The following GPHN variants were observed in gnomAD, a reference collection of about 807,000 sequenced individuals.
The protein encoded by GPHN is gephyrin.
In GPHN, 17 loss-of-function variants were observed where a neutral mutation model predicts 95.5. The observed-to-expected ratio is 0.18, with a 90% CI of 0.12 to 0.27. The LOEUF (loss-of-function observed/expected upper bound fraction) is 0.27, where lower values mean the gene tolerates loss of function less well. Among genes scored for constraint, GPHN ranks in the 10% least tolerant of loss-of-function variants. The pLI, the probability that GPHN is intolerant of heterozygous loss-of-function variation, is 1.00. For synonymous variants in GPHN, 320 were observed against 322.5 expected (o/e 0.99, Z 0.08); for missense variants, 660 against 978.1 (o/e 0.67, Z 4.34).
chr14:67,499,384 A>G, the GPHN span, among the ~76,000 whole-genome samples: 9 of 152,136 alleles, frequency 5.9e-5, no homozygotes, highest in African/African-American at 2.2e-4. Context: ...TCAGTTTGGC[A>G]CCTTTGGGAA....
the GPHN span, among the ~76,000 whole-genome samples, chr14:67,538,113 A>C: frequency 1.3e-5 from 2 of 152,208 alleles, no homozygotes; most frequent in Non-Finnish European, 2.9e-5. Flanking sequence ...CCAGAATAAA[A>C]ATAGAAAAAA....
intron 1 of GPHN, among the ~76,000 whole-genome samples, chr14:66,634,446 G>C (rs574512797): frequency 1.1e-4 from 16 of 152,252 alleles, no homozygotes; most frequent in African/African-American, 3.6e-4. Flanking sequence ...TGAGACTTTG[G>C]TGGGGAAGGG....
chr14:67,733,427 T>C, the GPHN span, among the ~76,000 whole-genome samples: 3 of 152,234 alleles, frequency 2.0e-5, no homozygotes, highest in African/African-American at 7.2e-5. Flanking sequence ...AATAGAATTA[T>C]AAATATTTTT....
At chr14:66,873,706 T>C (rs2063537276) in intron 4 of GPHN, among the ~76,000 whole-genome samples, 2 of 152,138 alleles carry the variant, frequency 1.3e-5, no homozygotes, top group Non-Finnish European at 2.9e-5. Flanking sequence ...CCAGACTGCC[T>C]CTCTAGATTC....
the GPHN span, among the ~76,000 whole-genome samples, chr14:67,548,060 A>G: frequency 1.3e-5 from 2 of 152,072 alleles, no homozygotes; most frequent in Non-Finnish European, 2.9e-5. Context: ...ATGACTTGAG[A>G]TTCACATCTC....
At chr14:67,418,191 T>C in the GPHN span, among the ~76,000 whole-genome samples, 1 of 152,252 alleles carries the variant, frequency 6.6e-6, no homozygotes, top group Non-Finnish European at 1.5e-5. Context: ...ATTCTGTAGA[T>C]GTAAATGAAA....
chr14:67,224,424 A>T, the GPHN span, among the ~76,000 whole-genome samples: 3 of 151,670 alleles, frequency 2.0e-5, no homozygotes, highest in South Asian at 6.3e-4. Context: ...ATGCCTAGCT[A>T]ATTGTTTTTG....
intron 18 of GPHN, among the ~76,000 whole-genome samples, chr14:67,154,701 T>C (rs2081484052): frequency 6.6e-6 from 1 of 152,172 alleles, no homozygotes; most frequent in Non-Finnish European, 1.5e-5. Flanking sequence ...TCAAAGCAGT[T>C]GCTCTATAAC....
At chr14:67,193,869 G>C in the GPHN span, among the ~76,000 whole-genome samples, 2 of 147,936 alleles carry the variant, frequency 1.4e-5, no homozygotes, top group African/African-American at 5.0e-5. Context: ...CACTTGGGCT[G>C]GGGAGGTTGA....
chr14:66,807,556 T>G (rs1417608922), intron 3 of GPHN, among the ~76,000 whole-genome samples: 1 of 152,198 alleles, frequency 6.6e-6, no homozygotes, highest in Non-Finnish European at 1.5e-5. Flanking sequence ...TAAGAATCAT[T>G]TACATCAATA....
intron 4 of GPHN, among the ~76,000 whole-genome samples, chr14:66,828,563 C>G (rs2061464373): frequency 6.6e-6 from 1 of 151,930 alleles, no homozygotes; most frequent in African/African-American, 2.4e-5. Context: ...AAACTTCTCC[C>G]TTAAAATCCT....
intron 1 of GPHN, among the ~76,000 whole-genome samples, chr14:66,599,380 A>T (rs1288491035): frequency 1.3e-3 from 142 of 111,208 alleles, no homozygotes; most frequent in Middle Eastern, 5.0e-3. Flanking sequence ...CTGATTTTAC[A>T]TTTTTTTTTG....
the GPHN span, chr14:67,583,941 T>C: frequency 1.1e-5 from 17 of 1,611,938 alleles, no homozygotes; most frequent in Non-Finnish European, 1.3e-5. Context: ...AGGCCTGGAA[T>C]GAAGACACGT....
chr14:67,446,898 C>T, the GPHN span, among the ~76,000 whole-genome samples: 18 of 151,992 alleles, frequency 1.2e-4, no homozygotes, highest in Non-Finnish European at 1.9e-4. Flanking sequence ...ATCACAGCCA[C>T]GTCCATTTGT....
the GPHN span, chr14:67,648,056 A>C: frequency 3.1e-6 from 5 of 1,611,732 alleles, no homozygotes; most frequent in Non-Finnish European, 3.4e-6. Flanking sequence ...GGAGACAAAG[A>C]CCAATCCATT....
At chr14:67,051,517 C>T (rs2075305425) in intron 10 of GPHN, among the ~76,000 whole-genome samples, 1 of 152,176 alleles carries the variant, frequency 6.6e-6, no homozygotes, top group Middle Eastern at 3.2e-3. Flanking sequence ...GAGAATGGAA[C>T]CAAGTTGGAA....
intron 2 of GPHN, among the ~76,000 whole-genome samples, chr14:66,685,983 G>T (rs1263187492): frequency 7.1e-6 from 1 of 139,972 alleles, no homozygotes; most frequent in African/African-American, 3.1e-5. Flanking sequence ...AGTTTTCCCA[G>T]CACCATTTAT....
At chr14:66,666,103 G>T (rs1445529030) in intron 1 of GPHN, among the ~76,000 whole-genome samples, 1 of 150,126 alleles carries the variant, frequency 6.7e-6, no homozygotes, top group Admixed American at 6.6e-5. Context: ...GCCTGTCGTG[G>T]GGTAGGGGGA....
At chr14:67,655,747 C>A in the GPHN span, among the ~76,000 whole-genome samples, 1 of 152,166 alleles carries the variant, frequency 6.6e-6, no homozygotes, top group African/African-American at 2.4e-5. Flanking sequence ...GCTTTGAATC[C>A]TTAAGTGCCT....
Sources: allele counts gnomAD v4.1 joint callset (sites outside exome capture counted in the v4.1 genomes callset), GRCh38; gene constraint gnomAD v4.1.1; transcripts MANE v1.5; gene names NCBI Gene and HGNC (gene_info 2026-07-23, HGNC 2026-07-21).